The following TMTC2 variants were observed in gnomAD, a reference collection of about 807,000 sequenced individuals.
TMTC2 encodes the protein protein O-mannosyl-transferase TMTC2.
TMTC2 carries 43 observed loss-of-function variants against 82.4 expected under a neutral mutation model. The observed-to-expected ratio is 0.52, with a 90% CI of 0.41 to 0.67. The LOEUF (loss-of-function observed/expected upper bound fraction) is 0.67. Ranked by LOEUF, TMTC2 falls within the 30% of genes least tolerant of loss-of-function variation. TMTC2 has a pLI of 0.00. For missense variants in TMTC2, 919 were observed against 1,012.4 expected (o/e 0.91, Z 1.25); for synonymous variants, 408 against 381.9 (o/e 1.07, Z -0.80).
chr12:83,056,820 G>A (rs1882561963), intron 10 of TMTC2, among the ~76,000 whole-genome samples: 2 of 151,920 alleles, frequency 1.3e-5, no homozygotes, highest in African/African-American at 2.4e-5. Flanking sequence ...GCAAAGTGGG[G>A]TGGCAGATGA....
chr12:83,043,102 T>C (rs1318792156), intron 9 of TMTC2, among the ~76,000 whole-genome samples: 2 of 152,202 alleles, frequency 1.3e-5, no homozygotes, highest in Non-Finnish European at 2.9e-5. Context: ...CTAGAGAGAT[T>C]AGTCTGAAAG....
At chr12:82,833,447 G>A (rs750772443) in intron 1 of TMTC2, among the ~76,000 whole-genome samples, 54 of 152,252 alleles carry the variant, frequency 3.5e-4, no homozygotes, top group Non-Finnish European at 5.3e-4. Context: ...AGCAGTTTGG[G>A]CTCTGACAAG....
chr12:82,936,673 C>G (rs2137253264), intron 4 of TMTC2, among the ~76,000 whole-genome samples: 1 of 152,094 alleles, frequency 6.6e-6, no homozygotes, highest in Admixed American at 6.5e-5. Context: ...AGGCATTTGA[C>G]CAGCAGCTGC....
At chr12:83,082,090 T>A (rs1477769296) in intron 11 of TMTC2, among the ~76,000 whole-genome samples, 1 of 152,238 alleles carries the variant, frequency 6.6e-6, no homozygotes, top group Non-Finnish European at 1.5e-5. Context: ...GCCCTTAATA[T>A]TAATTTGTTC....
chr12:82,978,283 A>C (rs1878768525), intron 7 of TMTC2, among the ~76,000 whole-genome samples: 1 of 151,774 alleles, frequency 6.6e-6, no homozygotes. Flanking sequence ...ATATCTGAGC[A>C]CTGGTGAACC....
At chr12:82,777,186 A>G (rs1056070639) in intron 1 of TMTC2, among the ~76,000 whole-genome samples, 6 of 152,098 alleles carry the variant, frequency 3.9e-5, no homozygotes, top group African/African-American at 1.2e-4. Flanking sequence ...TTTATCATTT[A>G]TTGTCCAAGC....
At chr12:82,740,825 G>C (rs558366055) in intron 1 of TMTC2, among the ~76,000 whole-genome samples, 1 of 152,116 alleles carries the variant, frequency 6.6e-6, no homozygotes, top group Non-Finnish European at 1.5e-5. Context: ...TCTTTGACCT[G>C]CTCTCAGAAG....
At chr12:82,977,355 A>C (rs1332697061) in intron 7 of TMTC2, among the ~76,000 whole-genome samples, 1 of 151,884 alleles carries the variant, frequency 6.6e-6, no homozygotes, top group Non-Finnish European at 1.5e-5. Context: ...CAAATATTAG[A>C]TGAAGTGATT....
chr12:83,061,087 G>T (rs931914886), intron 10 of TMTC2, among the ~76,000 whole-genome samples: 1 of 151,716 alleles, frequency 6.6e-6, no homozygotes, highest in Non-Finnish European at 1.5e-5. Context: ...GAAGAGTCTG[G>T]CTAGTAAATA....
chr12:82,933,220 G>A (rs1876138558), intron 4 of TMTC2, among the ~76,000 whole-genome samples: 1 of 152,078 alleles, frequency 6.6e-6, no homozygotes, highest in Non-Finnish European at 1.5e-5. Flanking sequence ...TATTGGCTTT[G>A]ACAGAATTCT....
intron 1 of TMTC2, among the ~76,000 whole-genome samples, chr12:82,800,814 A>C (rs1334334456): frequency 6.6e-6 from 1 of 152,130 alleles, no homozygotes; most frequent in Admixed American, 6.5e-5. Flanking sequence ...TTTTCCTGTT[A>C]GCATTTATTT....
At chr12:82,846,912 A>C (rs1198258544) in intron 1 of TMTC2, among the ~76,000 whole-genome samples, 1 of 152,182 alleles carries the variant, frequency 6.6e-6, no homozygotes, top group African/African-American at 2.4e-5. Context: ...AAGTGTTACC[A>C]GTGTAATGAT....
rs757508380 is a variant in TMTC2 at position 83,050,902 on chromosome 12, A to G, written c.2153-2A>G. On this transcript the variant is annotated splice_acceptor_variant, in intron 9 of 11. Coordinates refer to ENST00000321196, the MANE Select transcript of TMTC2 (RefSeq NM_152588.3). LOFTEE classifies it high-confidence loss of function. Reference sequence around the variant, plus strand: ...AAGCTCACTGGTTTTTATACTTTTCAGGTCAGTTTCTTCTGGAAGAAGCTC... The same window carrying G: ...AAGCTCACTGGTTTTTATACTTTTCGGGTCAGTTTCTTCTGGAAGAAGCTC... 1 of 1,607,690 alleles carries G rather than the reference A, an allele frequency of 6.2e-7. No individual in the cohort carries two copies. The highest frequency in any genetic ancestry group is 1.3e-5 in the African/African-American group (1 of 74,678).
intron 3 of TMTC2, among the ~76,000 whole-genome samples, chr12:82,915,763 G>T (rs1874965443): frequency 6.6e-6 from 1 of 152,190 alleles, no homozygotes. Flanking sequence ...GATCCCAATT[G>T]TGTTAGAAGC....
chr12:83,043,825 T>C (rs1881986015), intron 9 of TMTC2, among the ~76,000 whole-genome samples: 1 of 152,248 alleles, frequency 6.6e-6, no homozygotes, highest in Non-Finnish European at 1.5e-5. Flanking sequence ...TATCTTCTGT[T>C]TTCAGATTAT....
At chr12:82,890,910 G>T (rs1336499762) in intron 2 of TMTC2, among the ~76,000 whole-genome samples, 3 of 152,138 alleles carry the variant, frequency 2.0e-5, no homozygotes, top group African/African-American at 7.2e-5. Flanking sequence ...CCCTATCAAA[G>T]ATTGTACTTA....
At chr12:82,830,384 C>A (rs1298419899) in intron 1 of TMTC2, among the ~76,000 whole-genome samples, 1 of 151,710 alleles carries the variant, frequency 6.6e-6, no homozygotes, top group Non-Finnish European at 1.5e-5. Flanking sequence ...TGTTTTAGGG[C>A]CCCATTGGTG....
At chr12:82,947,964 A>G (rs748093825) in intron 4 of TMTC2, among the ~76,000 whole-genome samples, 5 of 152,176 alleles carry the variant, frequency 3.3e-5, no homozygotes, top group Non-Finnish European at 5.9e-5. Context: ...AAGCCGCTAA[A>G]TGATGCCTAT....
intron 10 of TMTC2, among the ~76,000 whole-genome samples, chr12:83,055,018 A>T (rs1428624872): frequency 6.6e-6 from 1 of 152,098 alleles, no homozygotes; most frequent in Non-Finnish European, 1.5e-5. Context: ...CTACACAGCT[A>T]GGAATAATTC....
Sources: gnomAD v4.1 joint callset for allele counts (sites outside exome capture counted in the v4.1 genomes callset) on GRCh38, gnomAD v4.1.1 for gene constraint, MANE v1.5 for transcripts, NCBI Gene and HGNC (gene_info 2026-07-23, HGNC 2026-07-21) for gene names.